Variants in AUTS2 observed in about 807,000 individuals in gnomAD.
AUTS2 encodes activator of transcription and developmental regulator AUTS2, also known as autism susceptibility gene 2 protein.
AUTS2 carries 17 observed loss-of-function variants against 112.4 expected under a neutral mutation model. That is an observed-to-expected ratio of 0.15 (90% CI 0.10 to 0.23). AUTS2 has a LOEUF of 0.23. Among genes scored for constraint, AUTS2 ranks in the 10% least tolerant of loss-of-function variants. AUTS2 has a pLI of 1.00. For missense variants in AUTS2, 1,510 were observed against 1,701.6 expected (o/e 0.89, Z 1.98); for synonymous variants, 751 against 702.7 (o/e 1.07, Z -1.09).
chr7:70,375,046 T>A (rs1391696843), intron 4 of AUTS2, among the ~76,000 whole-genome samples: 1 of 152,182 alleles, frequency 6.6e-6, no homozygotes, highest in African/African-American at 2.4e-5. Flanking sequence ...TTTGTTCAGC[T>A]CTTCCTTGAT....
At chr7:69,951,435 A>G (rs1453093612) in intron 2 of AUTS2, among the ~76,000 whole-genome samples, 13 of 152,188 alleles carry the variant, frequency 8.5e-5, no homozygotes, top group African/African-American at 2.4e-5. Flanking sequence ...AGGGCCAGGC[A>G]GAGTCCATGC....
At chr7:70,567,386 A>C (rs1460435152) in intron 5 of AUTS2, among the ~76,000 whole-genome samples, 2 of 152,148 alleles carry the variant, frequency 1.3e-5, no homozygotes, top group African/African-American at 2.4e-5. Context: ...ATCAAAAAAA[A>C]TTTCCATTGA....
intron 5 of AUTS2, among the ~76,000 whole-genome samples, chr7:70,573,877 A>G (rs1341857655): frequency 6.6e-6 from 1 of 151,950 alleles, no homozygotes; most frequent in African/African-American, 2.4e-5. Flanking sequence ...TTGTGGTTCC[A>G]TACACTCCTG....
At chr7:70,724,079 A>G (rs1433284253) in intron 6 of AUTS2, among the ~76,000 whole-genome samples, 1 of 151,980 alleles carries the variant, frequency 6.6e-6, no homozygotes, top group African/African-American at 2.4e-5. Context: ...TTTAGTAGAG[A>G]TGGGGTTTTA....
chr7:69,722,055 AGAGG>A (rs1798976715), intron 1 of AUTS2, among the ~76,000 whole-genome samples: 1 of 151,928 alleles, frequency 6.6e-6, no homozygotes, highest in Non-Finnish European at 1.5e-5. Flanking sequence ...ATGGATTGGA[AGAGG>A]GAAGATTATA....
intron 4 of AUTS2, among the ~76,000 whole-genome samples, chr7:70,215,302 T>C (rs918596990): frequency 6.6e-6 from 1 of 152,022 alleles, no homozygotes; most frequent in Admixed American, 6.6e-5. Flanking sequence ...AAATAAAACA[T>C]AGATACCTGT....
intron 4 of AUTS2, among the ~76,000 whole-genome samples, chr7:70,376,019 TA>T (rs536175849): frequency 0.011 from 1,536 of 141,078 alleles, 9 homozygotes; most frequent in South Asian, 0.019. Flanking sequence ...TTTTTGTCGT[TA>T]AAAAAAAAAA....
chr7:70,569,196 A>C (rs200740373), intron 5 of AUTS2, among the ~76,000 whole-genome samples: 1 of 152,160 alleles, frequency 6.6e-6, no homozygotes, highest in Non-Finnish European at 1.5e-5. Context: ...GGCGGTCCCC[A>C]TGGACTGTCA....
At chr7:70,281,477 C>A (rs938297775) in intron 4 of AUTS2, among the ~76,000 whole-genome samples, 2 of 152,144 alleles carry the variant, frequency 1.3e-5, no homozygotes, top group Admixed American at 6.5e-5. Context: ...AGAAAGTTTT[C>A]TTCTTTGTAG....
At chr7:69,935,301 G>A (rs772286263) in intron 2 of AUTS2, among the ~76,000 whole-genome samples, 28 of 152,176 alleles carry the variant, frequency 1.8e-4, no homozygotes, top group Non-Finnish European at 4.0e-4. Flanking sequence ...GGTGAAAAAG[G>A]AGAAGTGGTT....
intron 1 of AUTS2, among the ~76,000 whole-genome samples, chr7:69,883,282 CTTT>C (rs371904658): frequency 1.5e-5 from 2 of 137,706 alleles, no homozygotes; most frequent in African/African-American, 2.7e-5. Context: ...CATAGAGTTC[CTTT>C]TTTTTTTTTT....
rs187772030 is a variant in AUTS2 at position 70,107,468 on chromosome 7, C to T, written c.523-10664C>T. On this transcript the variant is annotated intron_variant, in intron 2 of 18. Transcript: ENST00000342771. The stretch of plus-strand genomic sequence containing the variant: ...AGGCAATTCTCCTGCCTCAGCCTCC[C>T]GAGTAGCTGGGATTACAGGCACGCC... Among the ~76,000 whole-genome samples the T allele has an allele frequency of 3.4e-4, 51 of 150,398 alleles. No individual in the cohort carries two copies. The East Asian group carries it at 9.1e-3, about 27-fold the overall frequency.
At chr7:70,352,023 C>A (rs1490172100) in intron 4 of AUTS2, among the ~76,000 whole-genome samples, 1 of 152,178 alleles carries the variant, frequency 6.6e-6, no homozygotes, top group Non-Finnish European at 1.5e-5. Context: ...TTTTTAATAG[C>A]TAACAATTAT....
At chr7:69,624,575 G>A (rs1303098132) in intron 1 of AUTS2, among the ~76,000 whole-genome samples, 1 of 152,224 alleles carries the variant, frequency 6.6e-6, no homozygotes, top group African/African-American at 2.4e-5. Context: ...TAAGCTGTGT[G>A]CAAGTGGAGG....
chr7:69,914,026 C>T (rs546656038), intron 2 of AUTS2, among the ~76,000 whole-genome samples: 1 of 152,246 alleles, frequency 6.6e-6, no homozygotes, highest in East Asian at 1.9e-4. Flanking sequence ...GTTTATTTAA[C>T]TCAGGATCTG....
At chr7:70,579,648 A>G (rs1802346266) in intron 5 of AUTS2, among the ~76,000 whole-genome samples, 1 of 152,176 alleles carries the variant, frequency 6.6e-6, no homozygotes, top group African/African-American at 2.4e-5. Context: ...CATCTTTTCA[A>G]GCTTTCCTTC....
At chr7:70,443,278 T>G (rs955823298) in intron 5 of AUTS2, among the ~76,000 whole-genome samples, 1 of 152,132 alleles carries the variant, frequency 6.6e-6, no homozygotes, top group African/African-American at 2.4e-5. Flanking sequence ...TTGCTCGCAA[T>G]AGGTGGGTGG....
intron 4 of AUTS2, among the ~76,000 whole-genome samples, chr7:70,246,840 T>C (rs1256556368): frequency 1.3e-5 from 2 of 152,088 alleles, no homozygotes; most frequent in Admixed American, 6.6e-5. Flanking sequence ...ATATTTATCT[T>C]TATTTATTTA....
At chr7:69,888,332 T>G (rs547004901) in intron 1 of AUTS2, among the ~76,000 whole-genome samples, 1 of 151,490 alleles carries the variant, frequency 6.6e-6, no homozygotes, top group South Asian at 2.1e-4. Context: ...AGTCAGTGTG[T>G]GCAGAGGTCG....
Sources: gnomAD v4.1 joint callset for allele counts (sites outside exome capture counted in the v4.1 genomes callset) on GRCh38, gnomAD v4.1.1 for gene constraint, MANE v1.5 for transcripts, NCBI Gene and HGNC (gene_info 2026-07-23, HGNC 2026-07-21) for gene names.